The following SV2C variants were observed in gnomAD, a reference collection of about 807,000 sequenced individuals.
SV2C encodes synaptic vesicle glycoprotein 2C.
Under a neutral mutation model 79.7 loss-of-function variants are expected in SV2C, and 49 were observed. That is an observed-to-expected ratio of 0.61 (90% CI 0.49 to 0.78). SV2C has a LOEUF of 0.78. Ranked by LOEUF, SV2C falls within the 30% of genes least tolerant of loss-of-function variation. The pLI, the probability that SV2C is intolerant of heterozygous loss-of-function variation, is 0.00. For missense variants in SV2C, 833 were observed against 912.9 expected, an observed-to-expected ratio of 0.91 and a Z score of 1.13; for synonymous variants, 334 against 333.2, an observed-to-expected ratio of 1.00 and a Z score of -0.03.
At chr5:75,969,281 A>C in the SV2C span, among the ~76,000 whole-genome samples, 15 of 152,316 alleles carry the variant, frequency 9.8e-5, no homozygotes, top group African/African-American at 1.2e-4. Flanking sequence ...TGAGCAAAAT[A>C]ACTGGCTAAC....
chr5:76,326,320 C>T lies in SV2C; in HGVS notation c.*773C>T, dbSNP rs1390693220. On this transcript the variant is annotated 3_prime_UTR_variant, in exon 13 of 13. Transcript: ENST00000502798. Reference sequence around the variant, plus strand: ...TCAGAGATCCGAGAGAGAGCTTCTGCCTCCATTTACCACTCCCACTCCTTC... The same window carrying T: ...TCAGAGATCCGAGAGAGAGCTTCTGTCTCCATTTACCACTCCCACTCCTTC... 1 of 152,168 alleles carries T rather than the reference C, an allele frequency of 6.6e-6. No individual in the cohort carries two copies. Among genetic ancestry groups the T allele is most frequent in the Non-Finnish European group, 1.5e-5 (1 of 68,028 alleles). The allele number at this position is 152,168 out of a possible 1,614,324, so 9.4% of individuals were successfully genotyped here. A position where few individuals can be genotyped will look rare whatever the true frequency, so the allele number is the denominator to read the frequency against.
the SV2C span, among the ~76,000 whole-genome samples, chr5:75,925,970 G>C: frequency 6.6e-6 from 1 of 152,072 alleles, no homozygotes; most frequent in South Asian, 2.1e-4. Flanking sequence ...TTAAACCAGA[G>C]ACAGTAGGAG....
At position 76,326,514 on chromosome 5, in the gene SV2C, C is replaced by A. The variant is rs1749000914; in HGVS notation, c.*967C>A. 2 of 152,180 alleles carry A rather than the reference C, an allele frequency of 1.3e-5. No homozygotes were observed. The highest frequency in any genetic ancestry group is 4.8e-5 in the African/African-American group (2 of 41,446). 9.4% of individuals were successfully genotyped at this position (152,180 alleles called of 1,614,324 possible). On this transcript the variant is annotated 3_prime_UTR_variant, in exon 13 of 13. Transcript: ENST00000502798. ...TTAGGAAGAAATTCACACCCAGAGC[C>A]ATTTGGAAATACAAAATGGTACCTC...
At chr5:75,894,836 G>T in the SV2C span, among the ~76,000 whole-genome samples, 1 of 152,042 alleles carries the variant, frequency 6.6e-6, no homozygotes, top group Non-Finnish European at 1.5e-5. Context: ...GTAAGGCTGT[G>T]CACATGCCCA....
intron 8 of SV2C, among the ~76,000 whole-genome samples, chr5:76,293,995 A>C (rs1391220886): frequency 2.6e-5 from 4 of 152,186 alleles, no homozygotes; most frequent in Admixed American, 6.5e-5. Flanking sequence ...CACTGGGAAT[A>C]AACTAGAGCA....
intron 4 of SV2C, among the ~76,000 whole-genome samples, chr5:76,210,628 C>T (rs1429836351): frequency 1.3e-5 from 2 of 152,140 alleles, no homozygotes; most frequent in Non-Finnish European, 2.9e-5. Flanking sequence ...ATAGAGGTTT[C>T]TATAGGCATG....
chr5:75,982,238 G>GA, the SV2C span, among the ~76,000 whole-genome samples: 926 of 138,924 alleles, frequency 6.7e-3, 6 homozygotes, highest in African/African-American at 0.02. Context: ...AAAATAAAAA[G>GA]AAAAAAAAAA....
chr5:76,074,415 G>A, the SV2C span, among the ~76,000 whole-genome samples: 1 of 152,024 alleles, frequency 6.6e-6, no homozygotes, highest in Non-Finnish European at 1.5e-5. Context: ...TTTTCTGAGT[G>A]ACAAAAACTA....
chr5:75,913,068 G>T, the SV2C span, among the ~76,000 whole-genome samples: 2 of 152,170 alleles, frequency 1.3e-5, no homozygotes, highest in Non-Finnish European at 2.9e-5. Flanking sequence ...TTCCCATGAG[G>T]TAAACCATGC....
chr5:75,872,259 C>T, the SV2C span, among the ~76,000 whole-genome samples: 1 of 150,896 alleles, frequency 6.6e-6, no homozygotes, highest in South Asian at 2.1e-4. Context: ...TGAAAAAAGG[C>T]CCTGAATAAA....
At chr5:75,893,449 C>T in the SV2C span, among the ~76,000 whole-genome samples, 9,391 of 152,050 alleles carry the variant, frequency 0.062, 337 homozygotes, top group Admixed American at 0.084. Flanking sequence ...TTTGCAGCAA[C>T]GTGGAAGCAG....
the SV2C span, among the ~76,000 whole-genome samples, chr5:75,872,954 A>T: frequency 6.6e-6 from 1 of 152,080 alleles, no homozygotes; most frequent in African/African-American, 2.4e-5. Context: ...TAGTCATTTA[A>T]AAAGTAGAAA....
chr5:76,213,949 G>A (rs944870190), intron 4 of SV2C, among the ~76,000 whole-genome samples: 4 of 152,004 alleles, frequency 2.6e-5, no homozygotes, highest in Admixed American at 1.3e-4. Context: ...TTCACATATC[G>A]GTGAGTTTGT....
intron 10 of SV2C, 148 bp downstream of exon 10, chr5:76,299,075 AG>A: frequency 9.4e-7 from 1 of 1,065,692 alleles, no homozygotes; most frequent in Non-Finnish European, 1.3e-6. Flanking sequence ...GTTGGATCAA[AG>A]GTTGGCTTGT....
At chr5:76,227,680 C>A (rs1486164765) in intron 4 of SV2C, among the ~76,000 whole-genome samples, 1 of 152,172 alleles carries the variant, frequency 6.6e-6, no homozygotes, top group Non-Finnish European at 1.5e-5. Context: ...TGACTTGAGT[C>A]ACAGAGCCCT....
At chr5:75,920,669 C>A in the SV2C span, 1 of 689,786 alleles carries the variant, frequency 1.4e-6, no homozygotes, top group Admixed American at 2.0e-5. Flanking sequence ...ACTGCCCTCA[C>A]TCCTGCAGCT....
At chr5:76,200,247 G>A (rs1289423270) in intron 3 of SV2C, among the ~76,000 whole-genome samples, 1 of 152,226 alleles carries the variant, frequency 6.6e-6, no homozygotes, top group African/African-American at 2.4e-5. Context: ...GACCTACTCA[G>A]CAGCTGGCAG....
At chr5:76,268,975 C>G (rs562138716) in intron 4 of SV2C, among the ~76,000 whole-genome samples, 1 of 152,244 alleles carries the variant, frequency 6.6e-6, no homozygotes, top group African/African-American at 2.4e-5. Flanking sequence ...TTTCACACCT[C>G]TGTTAGAAAA....
chr5:76,208,165 A>G (rs1314485724), intron 3 of SV2C, among the ~76,000 whole-genome samples: 1 of 151,986 alleles, frequency 6.6e-6, no homozygotes, highest in East Asian at 1.9e-4. Flanking sequence ...TTGAACAGGA[A>G]CTCCCACTAA....
Sources: allele counts gnomAD v4.1 joint callset (sites outside exome capture counted in the v4.1 genomes callset), GRCh38; gene constraint gnomAD v4.1.1; transcripts MANE v1.5; gene names NCBI Gene and HGNC (gene_info 2026-07-23, HGNC 2026-07-21).